EFR3A: variants seen among roughly 807,000 people sequenced by gnomAD.
EFR3A encodes protein EFR3 homolog A.
In EFR3A, 76 loss-of-function variants were observed where a neutral mutation model predicts 104.4. The ratio of observed to expected loss-of-function variants is 0.73; its 90% CI spans 0.60 to 0.88. EFR3A has a LOEUF of 0.88. Among genes scored for constraint, EFR3A ranks in the 40% least tolerant of loss-of-function variants. EFR3A has a pLI of 0.00. For synonymous variants in EFR3A, 330 were observed against 330.0 expected (o/e 1.00, Z 0.00); for missense variants, 985 against 1,012.5 (o/e 0.97, Z 0.37).
chr8:131,993,859 C>T (rs1282911347), intron 18 of EFR3A, among the ~76,000 whole-genome samples: 1 of 152,200 alleles, frequency 6.6e-6, no homozygotes, highest in South Asian at 2.1e-4. Flanking sequence ...CATGTTCTCA[C>T]TTGTAAGTGG....
chr8:131,931,876 C>T (rs113442869), intron 1 of EFR3A, among the ~76,000 whole-genome samples: 1 of 152,010 alleles, frequency 6.6e-6, no homozygotes, highest in East Asian at 1.9e-4. Flanking sequence ...GAAAATTTGA[C>T]TATTTGATAC....
intron 11 of EFR3A, among the ~76,000 whole-genome samples, chr8:131,976,779 T>C (rs1021957493): frequency 1.3e-5 from 2 of 152,146 alleles, no homozygotes; most frequent in Admixed American, 6.6e-5. Context: ...GTTGTCTGTT[T>C]ATATGATTTA....
At chr8:131,917,922 C>T (rs1028385889) in intron 1 of EFR3A, among the ~76,000 whole-genome samples, 3 of 152,036 alleles carry the variant, frequency 2.0e-5, no homozygotes, top group Non-Finnish European at 4.4e-5. Context: ...ATTTGATTTT[C>T]TTCTTAGAGG....
chr8:131,948,816 A>G (rs1454934259), intron 4 of EFR3A, among the ~76,000 whole-genome samples: 2 of 152,100 alleles, frequency 1.3e-5, no homozygotes, highest in Non-Finnish European at 2.9e-5. Context: ...CTGGTGGTCT[A>G]ATTTTCTTAG....
chr8:131,944,150 G>T (rs992414109), intron 2 of EFR3A, among the ~76,000 whole-genome samples: 17 of 152,136 alleles, frequency 1.1e-4, no homozygotes, highest in African/African-American at 3.4e-4. Context: ...GTGGTAACTG[G>T]GGAGAATTTA....
intron 10 of EFR3A, among the ~76,000 whole-genome samples, chr8:131,971,038 T>G (rs1021593724): frequency 3.9e-5 from 6 of 152,158 alleles, no homozygotes; most frequent in Admixed American, 6.5e-5. Context: ...TACAGGAAGT[T>G]GCATACATCA....
At chr8:131,925,823 C>T (rs1486623785) in intron 1 of EFR3A, among the ~76,000 whole-genome samples, 1 of 151,946 alleles carries the variant, frequency 6.6e-6, no homozygotes, top group Non-Finnish European at 1.5e-5. Flanking sequence ...CTGTGTTTTC[C>T]TTCACAGTTG....
At chr8:131,961,970 G>A (rs1447196038) in intron 8 of EFR3A, among the ~76,000 whole-genome samples, 3 of 152,118 alleles carry the variant, frequency 2.0e-5, no homozygotes, top group African/African-American at 7.2e-5. Context: ...AGCTTCATAA[G>A]TGAAGGAGAA....
chr8:131,915,580 C>G (rs571998984), intron 1 of EFR3A, among the ~76,000 whole-genome samples: 1 of 152,220 alleles, frequency 6.6e-6, no homozygotes, highest in South Asian at 2.1e-4. Context: ...ATGGCAAGCA[C>G]GATTAGAATG....
chr8:131,992,292 A>T (rs1264828758), intron 18 of EFR3A, among the ~76,000 whole-genome samples: 5 of 152,208 alleles, frequency 3.3e-5, no homozygotes, highest in Non-Finnish European at 7.3e-5. Context: ...CAAAAAATAC[A>T]GGGTCTAGGT....
Position 131,941,899 on chromosome 8 carries a change from G to A in EFR3A, c.87+1324G>A, listed in dbSNP as rs575338626. On this transcript the variant is annotated intron_variant, in intron 2 of 22. Coordinates refer to ENST00000254624, the MANE Select transcript of EFR3A (RefSeq NM_015137.6). ...GCAAGTTATCCATCAGACTTCAAGC[G>A]AAGGTTTATATAACCTAATTGTAGA... Among the ~76,000 whole-genome samples the A allele has an allele frequency of 1.8e-3, 280 of 152,200 alleles. 2 individuals are homozygous for A. Among genetic ancestry groups the A allele is most frequent in the African/African-American group, 6.5e-3 (272 of 41,560 alleles).
Position 131,970,495 on chromosome 8 carries a change from C to T in EFR3A, c.1011C>T (p.Val337=). 1 of 1,613,764 alleles carries T rather than the reference C, an allele frequency of 6.2e-7. No individual in the cohort carries two copies. Among genetic ancestry groups the T allele is most frequent in the Non-Finnish European group, 8.5e-7 (1 of 1,179,738 alleles). The part of the protein sequence containing the change: ...KGSIGPTVLE[V]FNTLLKHLRL... ...TTATAGGTCCGACAGTGCTGGAAGT[C>T]TTCAATACCCTTTTGAAACATCTGC... The change falls in exon 10 of 23, where the codon GTC becomes GTT. Residue 337 remains valine, a synonymous_variant. Transcript: ENST00000254624.
At chr8:131,983,215 T>C (rs995734915) in intron 14 of EFR3A, among the ~76,000 whole-genome samples, 3 of 152,002 alleles carry the variant, frequency 2.0e-5, no homozygotes, top group African/African-American at 7.2e-5. Flanking sequence ...TGGGAAAAAA[T>C]GAGTGTTCTT....
At chr8:131,934,148 C>T (rs1263595836) in intron 1 of EFR3A, among the ~76,000 whole-genome samples, 6 of 152,116 alleles carry the variant, frequency 3.9e-5, no homozygotes, top group African/African-American at 1.2e-4. Flanking sequence ...TTTCTTTTGA[C>T]CCCATATCTA....
At chr8:132,008,846 CAAAAAAAAAAAAAA>C (rs55964352) in intron 22 of EFR3A, among the ~76,000 whole-genome samples, 12 of 32,166 alleles carry the variant, frequency 3.7e-4, no homozygotes, top group African/African-American at 7.0e-4. Context: ...AACTCCATCT[CAAAAAAAAAAAAAA>C]AAAAAAAAAA....
chr8:131,977,814 C>T (rs563391339), intron 12 of EFR3A, among the ~76,000 whole-genome samples: 1 of 152,058 alleles, frequency 6.6e-6, no homozygotes, highest in East Asian at 1.9e-4. Context: ...GTTTTGAATT[C>T]TAATATAGCC....
chr8:131,964,426 T>C (rs1050761452), intron 8 of EFR3A, among the ~76,000 whole-genome samples: 8 of 151,702 alleles, frequency 5.3e-5, no homozygotes, highest in East Asian at 3.9e-4. Flanking sequence ...TATACACCAA[T>C]AACAGACAAA....
intron 7 of EFR3A, among the ~76,000 whole-genome samples, chr8:131,959,091 A>T (rs984409152): frequency 1.3e-5 from 2 of 152,186 alleles, no homozygotes; most frequent in African/African-American, 2.4e-5. Flanking sequence ...TGCCTAGCAT[A>T]AAGTATATTT....
At chr8:132,004,263 G>C (rs1203492467) in intron 22 of EFR3A, among the ~76,000 whole-genome samples, 2 of 152,192 alleles carry the variant, frequency 1.3e-5, no homozygotes, top group African/African-American at 4.8e-5. Flanking sequence ...CCAACCCTCA[G>C]TCCAGAGACC....
Sources: allele counts gnomAD v4.1 joint callset (sites outside exome capture counted in the v4.1 genomes callset), GRCh38; gene constraint gnomAD v4.1.1; transcripts MANE v1.5; gene names NCBI Gene and HGNC (gene_info 2026-07-23, HGNC 2026-07-21).